OTUD7A: variants seen among roughly 807,000 people sequenced by gnomAD.
The protein encoded by OTUD7A is OTU domain-containing protein 7A.
A neutral mutation model predicts 65.7 loss-of-function variants in OTUD7A; 12 were observed. The ratio of observed to expected loss-of-function variants is 0.18; its 90% confidence interval spans 0.12 to 0.30. The LOEUF (loss-of-function observed/expected upper bound fraction) is 0.30, where lower values mean the gene tolerates loss of function less well. Among genes scored for constraint, OTUD7A ranks in the 10% least tolerant of loss-of-function variants. The pLI is 1.00. For missense variants in OTUD7A, 1,148 were observed against 1,304.8 expected (o/e 0.88, Z 1.85); for synonymous variants, 641 against 586.3 (o/e 1.09, Z -1.35).
chr15:31,869,431 C>T (rs888745056), intron 1 of OTUD7A, among the ~76,000 whole-genome samples: 2 of 152,170 alleles, frequency 1.3e-5, no homozygotes, highest in African/African-American at 2.4e-5. Flanking sequence ...ATTTAGGCCC[C>T]GCTGTCAACC....
At chr15:31,617,735 T>A (rs1890636752) in intron 3 of OTUD7A, among the ~76,000 whole-genome samples, 1 of 152,124 alleles carries the variant, frequency 6.6e-6, no homozygotes, top group Non-Finnish European at 1.5e-5. Flanking sequence ...CTGCTGATAG[T>A]CACAGTTTGA....
chr15:31,597,100 C>CTT (rs58263160), intron 3 of OTUD7A, among the ~76,000 whole-genome samples: 5 of 151,308 alleles, frequency 3.3e-5, no homozygotes, highest in South Asian at 2.1e-4. Context: ...AGTTTTTTTT[C>CTT]TTTTTTTTGT....
At chr15:31,552,774 C>T (rs1415080408) in intron 5 of OTUD7A, among the ~76,000 whole-genome samples, 2 of 152,232 alleles carry the variant, frequency 1.3e-5, no homozygotes, top group Non-Finnish European at 2.9e-5. Flanking sequence ...TCCAGGCTTG[C>T]CCAGAGTCGC....
In OTUD7A at chr15:31,487,607, G is replaced by A. The variant is rs1410070282; in HGVS notation, c.1172-41C>T. On this transcript the variant is annotated intron_variant, in intron 10 of 12. Coordinates refer to ENST00000307050, the MANE Select transcript of OTUD7A (RefSeq NM_001382637.1). This position sits in a 1 kb window ranked among gnomAD's most constrained non-coding sequence, Gnocchi z 6.0. ...CAGAGCCGTGCTTGGAGCCCCGGCA[G>A]TCCCCAGGCAGGATGGCAAGGAAAT... The A allele has an allele frequency of 1.9e-6, 3 of 1,549,554 alleles. No individual in the cohort carries two copies. Among genetic ancestry groups the A allele is most frequent in the African/African-American group, 2.7e-5 (2 of 73,038 alleles).
In OTUD7A at chr15:31,559,018, G is replaced by A. The variant is rs781738212; in HGVS notation, c.501C>T (p.Ile167=). ...SVYSEDFRSF[I]ERDLIEQATM... is the part of the protein sequence containing the mutation. ...TTGCCTGCTCGATCAAGTCCCGCTC[G>A]ATGAAGCTCCTGAAATCCTCGCTGT... Residue 167 remains isoleucine, a synonymous_variant, in exon 5 of 13, where the codon ATC becomes ATT. Coordinates refer to ENST00000307050, the MANE Select transcript of OTUD7A (RefSeq NM_001382637.1). The A allele has an allele frequency of 3.3e-5, 53 of 1,614,090 alleles. No homozygotes were observed. In the South Asian group the frequency reaches 3.6e-4, roughly 11 times the overall value.
intron 1 of OTUD7A, among the ~76,000 whole-genome samples, chr15:31,800,778 T>C (rs1439069871): frequency 1.3e-5 from 2 of 152,136 alleles, no homozygotes; most frequent in Non-Finnish European, 2.9e-5. Flanking sequence ...GTTTTTTTGT[T>C]TTTTTCTTAT....
chr15:31,698,947 T>G (rs1481384140), intron 1 of OTUD7A, among the ~76,000 whole-genome samples: 2 of 152,106 alleles, frequency 1.3e-5, no homozygotes, highest in East Asian at 3.9e-4. Flanking sequence ...AGGATGGTAA[T>G]AAGGACTTAC....
chr15:31,529,994 T>A (rs1365973346), intron 6 of OTUD7A, among the ~76,000 whole-genome samples: 1 of 152,216 alleles, frequency 6.6e-6, no homozygotes, highest in Non-Finnish European at 1.5e-5. Flanking sequence ...CCTAAAGGGA[T>A]AACTGAGGTT....
chr15:31,863,646 AC>A (rs1196339591), intron 1 of OTUD7A, among the ~76,000 whole-genome samples: 3 of 151,018 alleles, frequency 2.0e-5, no homozygotes, highest in Non-Finnish European at 4.4e-5. Flanking sequence ...CAGCTCGGGG[AC>A]CCTGGGCCCA....
At chr15:31,603,419 C>T (rs1459278839) in intron 3 of OTUD7A, among the ~76,000 whole-genome samples, 1 of 152,140 alleles carries the variant, frequency 6.6e-6, no homozygotes, top group African/African-American at 2.4e-5. Context: ...GGACCCCTTC[C>T]TTACACCTTA....
At chr15:31,861,142 G>A (rs1320945046) in intron 1 of OTUD7A, among the ~76,000 whole-genome samples, 1 of 152,128 alleles carries the variant, frequency 6.6e-6, no homozygotes, top group Non-Finnish European at 1.5e-5. Flanking sequence ...ATTTTGTACA[G>A]AATCATGGAG....
chr15:31,553,379 C>T (rs1182422288), intron 5 of OTUD7A, among the ~76,000 whole-genome samples: 1 of 152,078 alleles, frequency 6.6e-6, no homozygotes, highest in Non-Finnish European at 1.5e-5. Flanking sequence ...TGCATGGAGC[C>T]AGGTTGGGGG....
chr15:31,618,181 A>G (rs371989193), intron 3 of OTUD7A, among the ~76,000 whole-genome samples: 3 of 152,072 alleles, frequency 2.0e-5, no homozygotes, highest in African/African-American at 4.8e-5. Context: ...TCTATCATTG[A>G]TGGACATTTG....
chr15:31,741,607 C>A (rs775233307), intron 1 of OTUD7A, among the ~76,000 whole-genome samples: 28 of 151,894 alleles, frequency 1.8e-4, no homozygotes, highest in Non-Finnish European at 3.5e-4. Flanking sequence ...AGAAGAATCA[C>A]AACTGAAATA....
At chr15:31,597,060 G>T (rs1462827546) in intron 3 of OTUD7A, among the ~76,000 whole-genome samples, 2 of 151,974 alleles carry the variant, frequency 1.3e-5, no homozygotes, top group East Asian at 3.9e-4. Flanking sequence ...AAGTAGCTGG[G>T]ACCACAGGTG....
chr15:31,622,905 C>G (rs1482681649), intron 3 of OTUD7A, among the ~76,000 whole-genome samples: 1 of 152,124 alleles, frequency 6.6e-6, no homozygotes, highest in African/African-American at 2.4e-5. Flanking sequence ...TTATCTACCT[C>G]TGGTCTTTGA....
At chr15:31,790,736 C>T (rs1470050108) in intron 1 of OTUD7A, among the ~76,000 whole-genome samples, 1 of 152,168 alleles carries the variant, frequency 6.6e-6, no homozygotes, top group Non-Finnish European at 1.5e-5. Context: ...CCCTGAAGAC[C>T]TCCTCTGGGG....
intron 8 of OTUD7A, among the ~76,000 whole-genome samples, chr15:31,508,503 C>T (rs966489380): frequency 4.5e-4 from 68 of 152,350 alleles, no homozygotes; most frequent in Non-Finnish European, 8.2e-4. Context: ...GCGCCCGCCA[C>T]CACGCTCGGC....
intron 3 of OTUD7A, among the ~76,000 whole-genome samples, chr15:31,639,296 T>C (rs946039291): frequency 2.6e-5 from 4 of 151,812 alleles, no homozygotes; most frequent in African/African-American, 9.7e-5. Context: ...TTTCACTTCA[T>C]GTAATTATTT....
Sources: allele counts gnomAD v4.1 joint callset (sites outside exome capture counted in the v4.1 genomes callset), GRCh38; gene constraint gnomAD v4.1.1; non-coding constraint Gnocchi (gnomAD v3.1); transcripts MANE v1.5; gene names NCBI Gene and HGNC (gene_info 2026-07-23, HGNC 2026-07-21).